The following ZGPAT variants were observed in gnomAD, a reference collection of about 807,000 sequenced individuals.
ZGPAT encodes the protein zinc finger CCCH-type with G patch domain-containing protein.
A neutral mutation model predicts 47.9 loss-of-function variants in ZGPAT; 39 were observed. That is an observed-to-expected ratio of 0.81 (90% CI 0.63 to 1.06). The LOEUF is 1.06. Ranked by LOEUF, ZGPAT falls within the 50% of genes least tolerant of loss-of-function variation. The pLI is 0.00. For synonymous variants in ZGPAT, 348 were observed against 292.9 expected (o/e 1.19, Z -1.92); for missense variants, 717 against 681.4 (o/e 1.05, Z -0.58).
chr20:63,719,198 T>TA (rs1340170634), intron 2 of ZGPAT, among the ~76,000 whole-genome samples: 1 of 152,248 alleles, frequency 6.6e-6, no homozygotes, highest in Non-Finnish European at 1.5e-5. Context: ...GGAGATTCTC[T>TA]ATCTTTGGGT....
chr20:63,735,044 C>T (rs2091966172), intron 5 of ZGPAT, 115 bp from the exon 6 acceptor site: 1 of 1,385,020 alleles, frequency 7.2e-7, no homozygotes, highest in South Asian at 1.6e-5. Flanking sequence ...ACAGCACTGC[C>T]ATCTCCGTGC....
chr20:63,719,222 T>A (rs905577162), intron 2 of ZGPAT, among the ~76,000 whole-genome samples: 1 of 152,244 alleles, frequency 6.6e-6, no homozygotes, highest in African/African-American at 2.4e-5. Flanking sequence ...AGCAGTTTGA[T>A]TATAATGTAT....
rs1601324354 is a variant in ZGPAT at position 63,717,423 on chromosome 20, C to T, written c.584+8259C>T. 2.1e-5 allele frequency among the ~76,000 whole-genome samples: 3 copies of T among 142,974 alleles called. No homozygotes were observed. The South Asian group carries it at 6.9e-4, about 33-fold the overall frequency. The allele number at this position is 142,974 out of a possible 152,430, so 93.8% of individuals were successfully genotyped here. On this transcript the variant is annotated intron_variant, in intron 2 of 6. Coordinates refer to ENST00000355969, the MANE Select transcript of ZGPAT (RefSeq NM_181485.3). Reference sequence around the variant, plus strand: ...GGAGTGCAGTGGCATGATCTCAGCTCACTGCAGCCTCCGCCGCCCAGGCGA... The same window carrying T: ...GGAGTGCAGTGGCATGATCTCAGCTTACTGCAGCCTCCGCCGCCCAGGCGA...
chr20:63,709,507 C>T (rs770517972), intron 2 of ZGPAT, among the ~76,000 whole-genome samples: 4 of 152,164 alleles, frequency 2.6e-5, no homozygotes, highest in South Asian at 2.1e-4. Flanking sequence ...CGTGGTGGCG[C>T]GCACCTGTGG....
At chr20:63,734,404 G>A (rs1215002957) in intron 4 of ZGPAT, 4 of 478,310 alleles carry the variant, frequency 8.4e-6, no homozygotes, top group Non-Finnish European at 1.1e-5. Context: ...CGCGAAGGTG[G>A]AGAAGGGCAG....
intron 6 of ZGPAT, 32 bp downstream of exon 6, chr20:63,735,596 C>T (rs369566538): frequency 2.6e-5 from 39 of 1,508,880 alleles, no homozygotes; most frequent in Middle Eastern, 3.6e-4. Flanking sequence ...GGGCAAAGGG[C>T]GACCCAGGGT....
Position 63,709,118 on chromosome 20 carries a change from T to C in ZGPAT, c.538T>C (p.Cys180Arg). ...CCCCACTCACAAGTCTCTGAAGCCG[T>C]GCCCGTTCTTCCTGGAGGGAAAGTG... is the stretch of plus-strand genomic sequence containing the variant. ...LYPTHKSLKPCPFFLEGKCRF... is the reference protein window; with the variant it reads ...LYPTHKSLKPRPFFLEGKCRF... Residue 180 changes from cysteine to arginine, a missense_variant, in exon 2 of 7, where the codon TGC becomes CGC. Coordinates refer to ENST00000355969, the MANE Select transcript of ZGPAT (RefSeq NM_181485.3). The C allele has an allele frequency of 6.2e-7, 1 of 1,612,964 alleles. No homozygotes were observed. The highest frequency in any genetic ancestry group is 8.5e-7 in the Non-Finnish European group (1 of 1,180,016).
chr20:63,735,226 G>A lies in ZGPAT; in HGVS notation c.1059G>A (p.Ser353=), dbSNP rs1450520197. Residue 353 remains serine, a synonymous_variant, in exon 6 of 7, where the codon TCG becomes TCA. Coordinates refer to ENST00000355969, the MANE Select transcript of ZGPAT (RefSeq NM_181485.3). ...CTGTGGTGTTGCCTCGAGGGAAGTC[G>A]CTGGACCAGTGTGTGGAGACCCTGC... ...IHAVVLPRGK[S]LDQCVETLQK... is the part of the protein sequence containing the mutation. 5.1e-6 allele frequency: 8 copies of A among 1,583,606 alleles called. No homozygotes were observed. The highest frequency in any genetic ancestry group is 1.4e-5 in the African/African-American group (1 of 73,858).
At chr20:63,734,910 G>C in intron 5 of ZGPAT, 86 bp downstream of exon 5, 1 of 1,464,350 alleles carries the variant, frequency 6.8e-7, no homozygotes, top group Non-Finnish European at 9.0e-7. Flanking sequence ...GGGTCCCGCA[G>C]CCATCGGGTT....
intron 4 of ZGPAT, chr20:63,734,044 C>T (rs2091950392): frequency 2.6e-6 from 1 of 382,394 alleles, no homozygotes; most frequent in Non-Finnish European, 4.8e-6. Context: ...ACTGATGGGG[C>T]CTGGAGTGCA....
Position 63,733,645 on chromosome 20 carries a change from G to A in ZGPAT, c.777G>A (p.Val259=). Residue 259 remains valine, a synonymous_variant, in exon 4 of 7, where the codon GTG becomes GTA. Coordinates refer to ENST00000355969, the MANE Select transcript of ZGPAT (RefSeq NM_181485.3). ...ACTCGCTGCTGCTGAGGGAGGCCGT[G>A]GTGGAGGGGGACGGCATCCTGCCCC... ...KFDSLLLREA[V]VEGDGILPPL... 6.2e-7 allele frequency: 1 copy of A among 1,614,018 alleles called. No homozygotes were observed. Among genetic ancestry groups the A allele is most frequent in the Non-Finnish European group, 8.5e-7 (1 of 1,180,036 alleles).
chr20:63,733,650 AG>A lies in ZGPAT; in HGVS notation c.787del (p.Asp263ThrfsTer54). The A allele has an allele frequency of 1.9e-6, 3 of 1,613,816 alleles. No individual in the cohort carries two copies. The highest frequency in any genetic ancestry group is 2.5e-6 in the Non-Finnish European group (3 of 1,179,980). Reference sequence around the variant, plus strand: ...CTGCTGCTGAGGGAGGCCGTGGTGGAGGGGGACGGCATCCTGCCCCCACTGC... The same window carrying A: ...CTGCTGCTGAGGGAGGCCGTGGTGGAGGGGACGGCATCCTGCCCCCACTGC... Reference protein sequence around the residue: ...DSLLLREAVVEGDGILPPLRT... With the variant: ...DSLLLREAVVXGDGILPPLRT... On this transcript the variant is annotated frameshift_variant, in exon 4 of 7. Coordinates refer to ENST00000355969, the MANE Select transcript of ZGPAT (RefSeq NM_181485.3). LOFTEE classifies it high-confidence loss of function.
At chr20:63,711,087 T>C (rs559049801) in intron 2 of ZGPAT, among the ~76,000 whole-genome samples, 1 of 151,608 alleles carries the variant, frequency 6.6e-6, no homozygotes, top group South Asian at 2.1e-4. Context: ...TGGAGTGCAG[T>C]GGCACAATCT....
At chr20:63,717,199 TTC>T (rs1380990472) in intron 2 of ZGPAT, among the ~76,000 whole-genome samples, 3 of 152,136 alleles carry the variant, frequency 2.0e-5, no homozygotes, top group Admixed American at 6.6e-5. Context: ...TGTTTTCCCA[TTC>T]TGTTTCATTT....
chr20:63,715,218 C>A (rs2091714083), intron 2 of ZGPAT, among the ~76,000 whole-genome samples: 1 of 151,582 alleles, frequency 6.6e-6, no homozygotes, highest in Non-Finnish European at 1.5e-5. Context: ...AGGCATGAGC[C>A]ACTTGGCCCT....
At chr20:63,735,744 C>T (rs1360911244) in intron 6 of ZGPAT, 37 bp from the exon 7 acceptor site, 1 of 1,564,706 alleles carries the variant, frequency 6.4e-7, no homozygotes, top group African/African-American at 1.4e-5. Context: ...GGTGGCATGG[C>T]CCAGGACCCC....
chr20:63,724,352 G>A (rs1482064530), intron 2 of ZGPAT, among the ~76,000 whole-genome samples: 10 of 135,410 alleles, frequency 7.4e-5, no homozygotes, highest in Admixed American at 1.6e-4. Flanking sequence ...ATGACAGAGC[G>A]AGACTCTGCC....
At chr20:63,711,748 C>T (rs1385753969) in intron 2 of ZGPAT, among the ~76,000 whole-genome samples, 2 of 152,028 alleles carry the variant, frequency 1.3e-5, no homozygotes, top group Non-Finnish European at 2.9e-5. Context: ...ACGTGGTGCC[C>T]AGCTAATTTT....
At chr20:63,733,103 C>T (rs1432438646) in intron 2 of ZGPAT, 116 bp from the exon 3 acceptor site, 11 of 1,365,062 alleles carry the variant, frequency 8.1e-6, no homozygotes, top group Non-Finnish European at 9.0e-6. Flanking sequence ...TGTATACGCA[C>T]GCGTGTGTGT....
Sources: gnomAD v4.1 joint callset for allele counts (sites outside exome capture counted in the v4.1 genomes callset) on GRCh38, gnomAD v4.1.1 for gene constraint, MANE v1.5 for transcripts, NCBI Gene and HGNC (gene_info 2026-07-23, HGNC 2026-07-21) for gene names.